Variants in WDSUB1 observed in about 807,000 individuals in gnomAD.
WDSUB1 encodes the protein WD repeat, sterile alpha motif and U-box domain containing 1, also known as WD repeat, SAM and U-box domain-containing protein 1.
In WDSUB1, 49 loss-of-function variants were observed where a neutral mutation model predicts 53.9. That is an observed-to-expected ratio of 0.91 (90% CI 0.72 to 1.15). The LOEUF is 1.15. Ranked by LOEUF, WDSUB1 falls within the 50% of genes most tolerant of loss-of-function variation. The pLI, the probability that WDSUB1 is intolerant of heterozygous loss-of-function variation, is 0.00. For synonymous variants in WDSUB1, 194 were observed against 200.6 expected, an observed-to-expected ratio of 0.97 and a Z score of 0.28; for missense variants, 514 against 562.0, an observed-to-expected ratio of 0.91 and a Z score of 0.86.
intron 9 of WDSUB1, among the ~76,000 whole-genome samples, chr2:159,252,064 T>A (rs558990356): frequency 1.2e-4 from 19 of 152,230 alleles, no homozygotes; most frequent in African/African-American, 4.3e-4. Flanking sequence ...GACTCACCTC[T>A]CCCCTACCCT....
intron 9 of WDSUB1, among the ~76,000 whole-genome samples, chr2:159,249,932 GA>G (rs958310280): frequency 6.7e-6 from 1 of 148,838 alleles, no homozygotes; most frequent in Non-Finnish European, 1.5e-5. Flanking sequence ...AAGAAAGAAA[GA>G]AAAAAAATAG....
At chr2:159,271,608 C>G (rs2061444594) in intron 5 of WDSUB1, 94 bp downstream of exon 5, 1 of 1,073,024 alleles carries the variant, frequency 9.3e-7, no homozygotes, top group Non-Finnish European at 1.4e-6. Context: ...TGTGGTGGCT[C>G]ATCAAGCTAT....
intron 3 of WDSUB1, among the ~76,000 whole-genome samples, chr2:159,278,811 A>T (rs1259874656): frequency 7.2e-5 from 11 of 152,194 alleles, no homozygotes. Context: ...TATCTTAACA[A>T]GCCACTGATG....
At chr2:159,285,401 C>T (rs1038922121) in intron 1 of WDSUB1, among the ~76,000 whole-genome samples, 4 of 126,016 alleles carry the variant, frequency 3.2e-5, no homozygotes, top group African/African-American at 1.4e-4. Flanking sequence ...TTTACGGAAA[C>T]ACCTCTACCA....
intron 5 of WDSUB1, among the ~76,000 whole-genome samples, chr2:159,268,925 A>G (rs1447894422): frequency 6.6e-6 from 1 of 151,670 alleles, no homozygotes; most frequent in Non-Finnish European, 1.5e-5. Context: ...CCAGTTTAAT[A>G]TATTAGCTGA....
At chr2:159,236,733 C>T (rs1316546655) in intron 10 of WDSUB1, among the ~76,000 whole-genome samples, 1 of 152,178 alleles carries the variant, frequency 6.6e-6, no homozygotes, top group Non-Finnish European at 1.5e-5. Context: ...TCTTGGCTCA[C>T]TGCAAGCTCC....
intron 6 of WDSUB1, among the ~76,000 whole-genome samples, chr2:159,258,863 T>C (rs558678729): frequency 1.3e-5 from 2 of 152,310 alleles, no homozygotes; most frequent in South Asian, 4.1e-4. Context: ...TCCCATTTCC[T>C]GCCAGAACAC....
intron 9 of WDSUB1, among the ~76,000 whole-genome samples, chr2:159,250,592 A>G (rs372385138): frequency 3.3e-5 from 5 of 152,194 alleles, no homozygotes; most frequent in African/African-American, 9.6e-5. Flanking sequence ...TCTTCCCAGA[A>G]TGTCCCATTC....
chr2:159,278,921 T>A (rs2061596819), intron 3 of WDSUB1, among the ~76,000 whole-genome samples: 1 of 152,166 alleles, frequency 6.6e-6, no homozygotes, highest in African/African-American at 2.4e-5. Context: ...ATCAAAGACT[T>A]GAAATGCAGC....
intron 1 of WDSUB1, 52 bp from the exon 2 acceptor site, chr2:159,283,145 C>A: frequency 6.8e-7 from 1 of 1,466,836 alleles, no homozygotes; most frequent in South Asian, 1.3e-5. Context: ...CAGATACATG[C>A]AATTTGAGTC....
rs71422279 is a variant in WDSUB1, at chr2:159,247,890, T to TATATATATATATATAA, written c.1273+481_1273+482insTTATATATATATATAT. On this transcript the variant is annotated intron_variant, in intron 10 of 10. Transcript: ENST00000359774. ...GCTGTAGGCCAAAATTAAATAAATA[T>TATATATATATATATAA]ATATATATATATATATATAAATATA... Among the ~76,000 whole-genome samples the TATATATATATATATAA allele has an allele frequency of 2.9e-3, 99 of 34,016 alleles. 6 individuals are homozygous for TATATATATATATATAA. Among genetic ancestry groups the TATATATATATATATAA allele is most frequent in the South Asian group, 0.013 (11 of 838 alleles). The allele number at this position is 34,016 out of a possible 152,430, so 22.3% of individuals were successfully genotyped here. A position where few individuals can be genotyped will look rare whatever the true frequency, so the allele number is the denominator to read the frequency against.
At chr2:159,275,427 C>G in intron 4 of WDSUB1, 119 bp downstream of exon 4, 1 of 784,572 alleles carries the variant, frequency 1.3e-6, no homozygotes, top group Non-Finnish European at 2.0e-6. Flanking sequence ...CTAAAAGTTT[C>G]TTAAACCATA....
At chr2:159,266,251 C>T (rs2061345891) in intron 5 of WDSUB1, among the ~76,000 whole-genome samples, 1 of 151,872 alleles carries the variant, frequency 6.6e-6, no homozygotes, top group South Asian at 2.1e-4. Flanking sequence ...TGTGGTGGCA[C>T]GATCTGGACT....
intron 10 of WDSUB1, among the ~76,000 whole-genome samples, chr2:159,239,402 T>C (rs1229415474): frequency 6.6e-6 from 1 of 152,128 alleles, no homozygotes; most frequent in Non-Finnish European, 1.5e-5. Flanking sequence ...TTACTTAACT[T>C]GCTACTTTAC....
Position 159,282,657 on chromosome 2 carries a change from T to A in WDSUB1, c.398+15A>T, listed in dbSNP as rs1454006741. 3 of 1,592,828 alleles carry A rather than the reference T, an allele frequency of 1.9e-6. No homozygotes were observed. Among genetic ancestry groups the A allele is most frequent in the Non-Finnish European group, 2.6e-6 (3 of 1,165,032 alleles). ...GTCAACAGGATTAAAACAGGAAGGA[T>A]TTAAATATCCATACCTATATAATTT... On this transcript the variant is annotated intron_variant, in intron 2 of 10. Coordinates refer to ENST00000359774, the MANE Select transcript of WDSUB1 (RefSeq NM_001128212.3).
chr2:159,269,998 A>G (rs944048695), intron 5 of WDSUB1, among the ~76,000 whole-genome samples: 2 of 152,222 alleles, frequency 1.3e-5, no homozygotes. Context: ...ACAGTTCAGT[A>G]AGGCACAGAA....
chr2:159,280,287 G>A (rs1231361139), intron 2 of WDSUB1, among the ~76,000 whole-genome samples: 1 of 151,970 alleles, frequency 6.6e-6, no homozygotes, highest in Non-Finnish European at 1.5e-5. Context: ...GAAAAGCAAT[G>A]ACAAGCAACA....
chr2:159,258,899 A>T (rs1024232970), intron 6 of WDSUB1, among the ~76,000 whole-genome samples: 1 of 152,216 alleles, frequency 6.6e-6, no homozygotes, highest in Non-Finnish European at 1.5e-5. Context: ...TCTGTGTGGA[A>T]GACTAGCTTA....
At chr2:159,250,098 A>G (rs972642729) in intron 9 of WDSUB1, among the ~76,000 whole-genome samples, 1 of 150,568 alleles carries the variant, frequency 6.6e-6, no homozygotes, top group Non-Finnish European at 1.5e-5. Context: ...CAAAAAAAAA[A>G]AAAAAAAAAG....
Sources: allele counts gnomAD v4.1 joint callset (sites outside exome capture counted in the v4.1 genomes callset), GRCh38; gene constraint gnomAD v4.1.1; transcripts MANE v1.5; gene names NCBI Gene and HGNC (gene_info 2026-07-23, HGNC 2026-07-21).